Variants in EPS15 observed in about 807,000 individuals in gnomAD.
The protein encoded by EPS15 is epidermal growth factor receptor pathway substrate 15, also known as epidermal growth factor receptor substrate 15.
EPS15 carries 72 observed loss-of-function variants against 113.8 expected under a neutral mutation model. That is an observed-to-expected ratio of 0.63 (90% CI 0.52 to 0.77). The LOEUF (loss-of-function observed/expected upper bound fraction) is 0.77, where lower values mean the gene tolerates loss of function less well. Among genes scored for constraint, EPS15 ranks in the 30% least tolerant of loss-of-function variants. The probability of loss-of-function intolerance (pLI) is 0.00; values close to 1 mark genes in which losing one functional copy is unlikely to be tolerated. For synonymous variants in EPS15, 344 were observed against 363.4 expected (o/e 0.95, Z 0.61); for missense variants, 1,048 against 1,045.8 (o/e 1.00, Z -0.03).
In EPS15 at chr1:51,472,932, G is replaced by C; in HGVS notation, c.92C>G (p.Thr31Ser). The change falls in exon 3 of 25, where the codon ACT (threonine) becomes AGT (serine). Residue 31 changes from threonine (T) to serine (S), a missense_variant. By Grantham distance (58) the Thr-to-Ser change is moderately conservative. Coordinates refer to ENST00000371733, the MANE Select transcript of EPS15 (RefSeq NM_001981.3). ...AGCATCAGAAGCCAACACCCTTCCA[G>C]TATTGCCTGTATCAACCTGAAAAGA... Reference protein sequence around the residue: ...KYYRQVDTGNTGRVLASDAAA... With the variant: ...KYYRQVDTGNSGRVLASDAAA... The C allele has an allele frequency of 6.2e-7, 1 of 1,613,214 alleles. No individual in the cohort carries two copies. Among genetic ancestry groups the C allele is most frequent in the Non-Finnish European group, 8.5e-7 (1 of 1,179,314 alleles).
intron 16 of EPS15, among the ~76,000 whole-genome samples, chr1:51,405,569 G>A (rs539242080): frequency 1.3e-3 from 205 of 152,102 alleles, no homozygotes; most frequent in African/African-American, 4.8e-3. Flanking sequence ...GTGGTGGCAC[G>A]TGACTGTAAT....
intron 21 of EPS15, among the ~76,000 whole-genome samples, chr1:51,385,194 G>T (rs1311926289): frequency 1.3e-5 from 2 of 151,986 alleles, no homozygotes; most frequent in Non-Finnish European, 2.9e-5. Flanking sequence ...ATCTGATAAG[G>T]GGTTAATATC....
rs765231702 is a variant in EPS15 at position 51,402,521 on chromosome 1, T to C, written c.1796A>G (p.Asp599Gly). ...CGAACTTGAGTCTACATTAAATGGA[T>C]CTTCCTAAAAATAATTTTAAATTAA... ...LDNNRHSKEEDPFNVDSSSLT... is the reference protein window; with the variant it reads ...LDNNRHSKEEGPFNVDSSSLT... Residue 599 changes from aspartate to glycine, a missense_variant, in exon 18 of 25, where the codon GAT becomes GGT. By Grantham distance (94) the Asp-to-Gly change is moderately conservative. Coordinates refer to ENST00000371733, the MANE Select transcript of EPS15 (RefSeq NM_001981.3). 2.7e-6 allele frequency: 4 copies of C among 1,484,722 alleles called. No individual in the cohort carries two copies. Among genetic ancestry groups the C allele is most frequent in the Non-Finnish European group, 3.7e-6 (4 of 1,088,346 alleles). 92.0% of individuals were successfully genotyped at this position (1,484,722 alleles called of 1,614,324 possible). A position where few individuals can be genotyped will look rare whatever the true frequency, so the allele number is the denominator to read the frequency against.
intron 2 of EPS15, among the ~76,000 whole-genome samples, chr1:51,479,224 T>C (rs7414033): frequency 0.062 from 9,463 of 152,240 alleles, 313 homozygotes; most frequent in Non-Finnish European, 0.075. Context: ...CACTGATACC[T>C]TTTCTTCCAC....
intron 12 of EPS15, among the ~76,000 whole-genome samples, chr1:51,427,945 C>G (rs1651367130): frequency 6.6e-6 from 1 of 152,112 alleles, no homozygotes; most frequent in Admixed American, 6.5e-5. Context: ...ACATTATAAT[C>G]AAACTGTTGC....
chr1:51,483,897 A>G (rs905767976), intron 1 of EPS15, among the ~76,000 whole-genome samples: 1 of 152,002 alleles, frequency 6.6e-6, no homozygotes, highest in Admixed American at 6.5e-5. Context: ...GATTGCTTCA[A>G]TCTAAGAGTT....
intron 1 of EPS15, among the ~76,000 whole-genome samples, chr1:51,487,562 C>T (rs901066312): frequency 7.2e-5 from 11 of 152,040 alleles, no homozygotes; most frequent in African/African-American, 2.2e-4. Flanking sequence ...AGTATAAATA[C>T]TTTGCCAAAG....
At position 51,481,295 on chromosome 1, in the gene EPS15, A is replaced by G; in HGVS notation, c.53T>C (p.Val18Ala). ...SLTQLSSGNP[V>A]YEKYYRQVDT... is the part of the protein sequence containing the mutation. The stretch of plus-strand genomic sequence containing the variant: ...TACCTGTCTATAGTATTTTTCATAT[A>G]CAGGATTCCCACTTGATAACTGAAA... The change falls in exon 2 of 25, where the codon GTA (valine) becomes GCA (alanine). Residue 18 changes from valine to alanine, a missense_variant. By Grantham distance (64) the Val-to-Ala change is moderately conservative. Transcript: ENST00000371733. 7.3e-7 allele frequency: 1 copy of G among 1,372,082 alleles called. No individual in the cohort carries two copies. The highest frequency in any genetic ancestry group is 1.4e-5 in the African/African-American group (1 of 70,188). The allele number at this position is 1,372,082 out of a possible 1,614,324, so 85.0% of individuals were successfully genotyped here.
intron 17 of EPS15, among the ~76,000 whole-genome samples, chr1:51,402,739 A>T (rs1648699416): frequency 6.6e-6 from 1 of 152,126 alleles, no homozygotes; most frequent in Non-Finnish European, 1.5e-5. Context: ...CCTGGCCAAA[A>T]TGGTGAAACC....
chr1:51,356,578 T>G lies in EPS15; in HGVS notation c.*122A>C. On this transcript the variant is annotated 3_prime_UTR_variant, in exon 25 of 25. Transcript: ENST00000371733. ...AAAAAAATCCTAAAATTTTGTCACA[T>G]TTACAGGAATCTCAAACCTTTTGTA... The G allele has an allele frequency of 3.7e-6, 3 of 807,410 alleles. No homozygotes were observed. Among genetic ancestry groups the G allele is most frequent in the Non-Finnish European group, 5.5e-6 (3 of 545,926 alleles). The allele number at this position is 807,410 out of a possible 1,614,324, so 50.0% of individuals were successfully genotyped here.
chr1:51,360,106 A>T (rs1159177730), intron 24 of EPS15, among the ~76,000 whole-genome samples: 2 of 151,896 alleles, frequency 1.3e-5, no homozygotes, highest in Non-Finnish European at 2.9e-5. Context: ...ATTCTTGACT[A>T]CCTCCCTTCT....
chr1:51,516,981 A>G (rs2148573991), intron 1 of EPS15, among the ~76,000 whole-genome samples: 1 of 152,190 alleles, frequency 6.6e-6, no homozygotes, highest in African/African-American at 2.4e-5. Context: ...GGGTGGGGGG[A>G]ACAGAGGATG....
intron 12 of EPS15, among the ~76,000 whole-genome samples, chr1:51,432,313 T>G (rs1248052636): frequency 6.8e-6 from 1 of 147,732 alleles, no homozygotes; most frequent in Non-Finnish European, 1.5e-5. Context: ...TATGTATGTA[T>G]GTATGTATGT....
chr1:51,474,886 G>C (rs1013402553), intron 2 of EPS15, among the ~76,000 whole-genome samples: 10 of 132,680 alleles, frequency 7.5e-5, no homozygotes, highest in African/African-American at 2.0e-4. Flanking sequence ...CTGTGTCCAA[G>C]TGTTTTCATT....
intron 1 of EPS15, among the ~76,000 whole-genome samples, chr1:51,503,006 C>CAAAAAAAAAAAAAAAAAAAAA (rs56340331): frequency 1.5e-5 from 1 of 67,434 alleles, no homozygotes; most frequent in African/African-American, 5.0e-5. Flanking sequence ...GACTCTGTCT[C>CAAAAAAAAAAAAAAAAAAAAA]AAAAAAAAAA....
At chr1:51,408,833 T>G (rs959843878) in intron 14 of EPS15, among the ~76,000 whole-genome samples, 2 of 145,996 alleles carry the variant, frequency 1.4e-5, no homozygotes, top group Non-Finnish European at 3.0e-5. Flanking sequence ...AGAGTCTCGC[T>G]CTGTTGCCCA....
At position 51,356,008 on chromosome 1, in the gene EPS15, G is replaced by A. The variant is rs544058456; in HGVS notation, c.*692C>T. On this transcript the variant is annotated 3_prime_UTR_variant, in exon 25 of 25. Coordinates refer to ENST00000371733, the MANE Select transcript of EPS15 (RefSeq NM_001981.3). ...GCAAACACACTGAGAGGTATCTGTT[G>A]ATCTAAAATTCTCTAAATCCAGATA... 8 of 195,026 alleles carry A rather than the reference G, an allele frequency of 4.1e-5. No individual in the cohort carries two copies. In the South Asian group the frequency reaches 1.4e-3, roughly 33 times the overall value. 12.1% of individuals were successfully genotyped at this position (195,026 alleles called of 1,614,324 possible). A position where few individuals can be genotyped will look rare whatever the true frequency, so the allele number is the denominator to read the frequency against.
At chr1:51,398,285 C>A (rs1396249609) in intron 20 of EPS15, among the ~76,000 whole-genome samples, 1 of 152,128 alleles carries the variant, frequency 6.6e-6, no homozygotes, top group Non-Finnish European at 1.5e-5. Context: ...GATCTCCTGA[C>A]CTCGTGATCC....
At chr1:51,463,927 T>G in intron 6 of EPS15, 129 bp from the exon 7 acceptor site, 1 of 478,792 alleles carries the variant, frequency 2.1e-6, no homozygotes, top group South Asian at 4.9e-5. Context: ...CATTTTTCAC[T>G]TTCATCAAAA....
Sources: gnomAD v4.1 joint callset for allele counts (sites outside exome capture counted in the v4.1 genomes callset) on GRCh38, gnomAD v4.1.1 for gene constraint, MANE v1.5 for transcripts, NCBI Gene and HGNC (gene_info 2026-07-23, HGNC 2026-07-21) for gene names.